BCR: variants seen among roughly 807,000 people sequenced by gnomAD.
BCR encodes breakpoint cluster region protein.
In BCR, 58 loss-of-function variants were observed where a neutral mutation model predicts 138.6. The ratio of observed to expected loss-of-function variants is 0.42; its 90% CI spans 0.34 to 0.52. The LOEUF (loss-of-function observed/expected upper bound fraction) is 0.52. Among genes scored for constraint, BCR ranks in the 20% least tolerant of loss-of-function variants. The probability of loss-of-function intolerance (pLI) is 0.06; values close to 1 mark genes in which losing one functional copy is unlikely to be tolerated. For synonymous variants in BCR, 786 were observed against 730.1 expected (o/e 1.08, Z -1.23); for missense variants, 1,599 against 1,727.2 (o/e 0.93, Z 1.32).
At chr22:23,266,343 C>T (rs1010950464) in intron 4 of BCR, among the ~76,000 whole-genome samples, 1 of 152,044 alleles carries the variant, frequency 6.6e-6, no homozygotes, top group Non-Finnish European at 1.5e-5. Flanking sequence ...CCCGCCTCAG[C>T]CTCCCAAAGT....
chr22:23,234,852 T>C (rs2073004980), intron 1 of BCR, among the ~76,000 whole-genome samples: 1 of 143,604 alleles, frequency 7.0e-6, no homozygotes, highest in Non-Finnish European at 1.6e-5. Flanking sequence ...TGGACAGTCT[T>C]CGGGGCCCAG....
intron 22 of BCR, 83 bp downstream of exon 22, chr22:23,314,797 C>T (rs2074050148): frequency 1.3e-6 from 2 of 1,518,452 alleles, no homozygotes; most frequent in South Asian, 2.3e-5. Context: ...TCCTGCCCAT[C>T]TTCTTACTTG....
intron 1 of BCR, among the ~76,000 whole-genome samples, chr22:23,191,223 A>G (rs2072409636): frequency 6.6e-6 from 1 of 152,238 alleles, no homozygotes; most frequent in Non-Finnish European, 1.5e-5. Context: ...GATGTGAGTT[A>G]CTGCACACAG....
intron 6 of BCR, among the ~76,000 whole-genome samples, chr22:23,271,918 C>G (rs974133545): frequency 6.6e-6 from 1 of 151,960 alleles, no homozygotes; most frequent in Non-Finnish European, 1.5e-5. Context: ...CTCCACTTCC[C>G]GGGTTCAAGT....
In BCR at chr22:23,284,020, AG is replaced by A; in HGVS notation, c.2164del (p.Ala722ProfsTer66). The A allele has an allele frequency of 6.2e-7, 1 of 1,604,310 alleles. No individual in the cohort carries two copies. ...LKDSFMVELV[E>X]GARKLRHVFL... is the part of the protein sequence containing the mutation. ...GACAGCTTCATGGTGGAGCTGGTGG[AG>A]GGGGCCCGCAAGCTGCGCCACGTCT... On this transcript the variant is annotated frameshift_variant, in exon 9 of 23. Transcript: ENST00000305877. LOFTEE classifies it high-confidence loss of function.
chr22:23,182,051 G>A lies in BCR; in HGVS notation c.1091G>A (p.Arg364Gln), dbSNP rs766826731. Residue 364 changes from arginine to glutamine, a missense_variant, in exon 1 of 23, where the codon CGG becomes CAG. Arg to Gln is a conservative substitution (Grantham distance 43). This residue lies in a region of BCR where 806 missense variants were observed against 635.0 expected (regional missense o/e 1.27). Coordinates refer to ENST00000305877, the MANE Select transcript of BCR (RefSeq NM_004327.4). ...AGCCCCACCACCTACCGCATGTTCC[G>A]GGACAAAAGCCGCTCTCCCTCGCAG... The part of the protein sequence containing the change: ...SPSPTTYRMF[R>Q]DKSRSPSQNS... The A allele has an allele frequency of 2.2e-5, 35 of 1,613,612 alleles. No individual in the cohort carries two copies. Among genetic ancestry groups the A allele is most frequent in the African/African-American group, 2.7e-5 (2 of 75,078 alleles).
At chr22:23,245,496 AG>A (rs887593065) in intron 1 of BCR, among the ~76,000 whole-genome samples, 47 of 152,128 alleles carry the variant, frequency 3.1e-4, no homozygotes, top group African/African-American at 1.1e-3. Context: ...CACAGAACCA[AG>A]GACCCTGGTG....
At chr22:23,264,150 C>T (rs2146279740) in intron 4 of BCR, 2 of 1,515,584 alleles carry the variant, frequency 1.3e-6, no homozygotes, top group Non-Finnish European at 9.2e-7. Context: ...GTACTGCCTG[C>T]AGACAGATGG....
chr22:23,246,915 G>A (rs534792350), intron 1 of BCR, among the ~76,000 whole-genome samples: 73 of 152,052 alleles, frequency 4.8e-4, no homozygotes, highest in African/African-American at 1.6e-3. Flanking sequence ...AGCCCTTCTC[G>A]AGGGTAGAGT....
intron 4 of BCR, 123 bp from the exon 5 acceptor site, chr22:23,268,285 T>A: frequency 1.4e-6 from 1 of 736,150 alleles, no homozygotes; most frequent in East Asian, 2.9e-5. Flanking sequence ...CCGAGGCCTC[T>A]GCAGCCTGTG....
At chr22:23,274,203 G>A (rs2073544329) in intron 8 of BCR, among the ~76,000 whole-genome samples, 1 of 152,170 alleles carries the variant, frequency 6.6e-6, no homozygotes, top group South Asian at 2.1e-4. Context: ...GTTAACATCG[G>A]GTTTAAGGAT....
At chr22:23,235,251 T>G (rs1348501332) in intron 1 of BCR, among the ~76,000 whole-genome samples, 1 of 144,270 alleles carries the variant, frequency 6.9e-6, no homozygotes, top group East Asian at 1.9e-4. Flanking sequence ...AGCTAATTTT[T>G]GTATTTTTAG....
intron 1 of BCR, among the ~76,000 whole-genome samples, chr22:23,252,012 A>C (rs1028860022): frequency 6.6e-6 from 1 of 152,152 alleles, no homozygotes; most frequent in East Asian, 1.9e-4. Flanking sequence ...GGAGGAAGGG[A>C]GTGATTATCT....
rs530451368 is a variant in BCR, at chr22:23,300,802, G to A, written c.3012+5647G>A. Among the ~76,000 whole-genome samples the A allele has an allele frequency of 2.2e-3, 335 of 152,310 alleles. 1 individual carries two copies. The highest frequency in any genetic ancestry group is 2.8e-3 in the Non-Finnish European group (191 of 68,036). ...AGCCAGAGCACCAGCTTCAAATGAA[G>A]CAGAGGCTCACAGTCCAAATCTCAT... On this transcript the variant is annotated intron_variant, in intron 16 of 22. Transcript: ENST00000305877.
At chr22:23,264,321 TCTTACAACCTCCA>T in intron 4 of BCR, 1 of 986,168 alleles carries the variant, frequency 1.0e-6, no homozygotes, top group Non-Finnish European at 1.6e-6. Context: ...TGCTGCGCTG[TCTTACAACCTCCA>T]CGTCCTGGAT....
rs1772427161 is a variant in BCR at position 23,317,947 on chromosome 22, A to G, written c.*2425A>G. On this transcript the variant is annotated 3_prime_UTR_variant, in exon 23 of 23. Transcript: ENST00000305877. The stretch of plus-strand genomic sequence containing the variant: ...TGAAGCAGCCTGGCTTTCTCTTGGT[A>G]AGTGGCTGGTGTCTTAGCAGCTGCA... 1 of 150,324 alleles carries G rather than the reference A, an allele frequency of 6.7e-6. No individual in the cohort carries two copies. Among genetic ancestry groups the G allele is most frequent in the African/African-American group, 2.5e-5 (1 of 39,420 alleles). 9.3% of individuals were successfully genotyped at this position (150,324 alleles called of 1,614,324 possible). A position where few individuals can be genotyped will look rare whatever the true frequency, so the allele number is the denominator to read the frequency against.
intron 12 of BCR, among the ~76,000 whole-genome samples, chr22:23,288,917 G>A (rs1017152275): frequency 2.0e-5 from 3 of 152,302 alleles, no homozygotes; most frequent in East Asian, 1.9e-4. Flanking sequence ...CTGACCTCCC[G>A]CGCCCTCAGG....
intron 1 of BCR, among the ~76,000 whole-genome samples, chr22:23,226,211 A>G (rs1196715610): frequency 1.3e-5 from 2 of 152,118 alleles, no homozygotes; most frequent in East Asian, 1.9e-4. Flanking sequence ...CCTGGCTGAC[A>G]TTTTCTGCCT....
In BCR at chr22:23,208,853, T is replaced by C. The variant is rs2072647604; in HGVS notation, c.1279+26614T>C. On this transcript the variant is annotated intron_variant, in intron 1 of 22. Transcript: ENST00000305877. ...CTGGGCAACAGAGCGAGACTCCGTC[T>C]AAAAACAAACCAAAAAAAGCTTCTG... is the stretch of plus-strand genomic sequence containing the variant. 2.0e-5 allele frequency among the ~76,000 whole-genome samples: 3 copies of C among 152,118 alleles called. No individual in the cohort carries two copies. The South Asian group carries it at 6.2e-4, about 32-fold the overall frequency.
Sources: allele counts gnomAD v4.1 joint callset (sites outside exome capture counted in the v4.1 genomes callset), GRCh38; gene constraint gnomAD v4.1.1; regional missense constraint gnomAD v4.1.1; transcripts MANE v1.5; gene names NCBI Gene and HGNC (gene_info 2026-07-23, HGNC 2026-07-21).